Variants in AAK1 observed in about 807,000 individuals in gnomAD.
AAK1 encodes the protein AP2-associated protein kinase 1.
In AAK1, 37 loss-of-function variants were observed where a neutral mutation model predicts 116.0. The observed-to-expected ratio is 0.32, with a 90% CI of 0.25 to 0.42. The LOEUF (loss-of-function observed/expected upper bound fraction) is 0.42. AAK1 is among the 10% of genes least tolerant of loss of function. AAK1 has a pLI of 1.00. For missense variants in AAK1, 919 were observed against 1,170.6 expected (o/e 0.79, Z 3.14); for synonymous variants, 458 against 439.9 (o/e 1.04, Z -0.51).
chr2:69,478,587 G>T (rs978944995), intron 20 of AAK1: 1 of 231,294 alleles, frequency 4.3e-6, no homozygotes, highest in Admixed American at 5.8e-5. Flanking sequence ...CGAGAAGCTG[G>T]TACCACCGGT....
chr2:69,514,417 C>T, intron 13 of AAK1, 54 bp downstream of exon 13: 1 of 1,470,276 alleles, frequency 6.8e-7, no homozygotes, highest in Non-Finnish European at 9.0e-7. Flanking sequence ...TCCCCTAGCT[C>T]TCGCTGCACA....
intron 3 of AAK1, among the ~76,000 whole-genome samples, chr2:69,551,713 C>G (rs934391866): frequency 3.9e-5 from 6 of 152,186 alleles, no homozygotes; most frequent in Non-Finnish European, 8.8e-5. Context: ...TTAATCTTTT[C>G]CTGCTTTCAG....
chr2:69,519,660 T>C (rs1669675642), intron 11 of AAK1, among the ~76,000 whole-genome samples: 1 of 152,192 alleles, frequency 6.6e-6, no homozygotes, highest in Non-Finnish European at 1.5e-5. Flanking sequence ...TGGCTATAAG[T>C]AGATGGCCAC....
intron 2 of AAK1, among the ~76,000 whole-genome samples, chr2:69,633,942 G>A (rs1300581746): frequency 6.6e-6 from 1 of 152,196 alleles, no homozygotes; most frequent in Non-Finnish European, 1.5e-5. Context: ...GGCTGAGGCA[G>A]GTGGATCACT....
At chr2:69,532,298 C>A (rs1372251453) in intron 5 of AAK1, 136 bp from the exon 6 acceptor site, 2 of 1,057,826 alleles carry the variant, frequency 1.9e-6, no homozygotes, top group Non-Finnish European at 2.7e-6. Flanking sequence ...TATTCCTCTC[C>A]AAGTATCTCA....
In AAK1 at chr2:69,585,998, T is replaced by C. The variant is rs896877830; in HGVS notation, c.164-29020A>G. Among the ~76,000 whole-genome samples, 14 of 152,134 alleles carry C rather than the reference T, an allele frequency of 9.2e-5. No homozygotes were observed. The East Asian group carries it at 2.5e-3, about 27-fold the overall frequency. On this transcript the variant is annotated intron_variant, in intron 2 of 21. Transcript: ENST00000409085. ...CTTCCCTCTGGCACCACCCTCTGCC[T>C]GATTGGTGCGGAGTGCTCCCTGCCC... is the stretch of plus-strand genomic sequence containing the variant.
In AAK1 at chr2:69,643,722, G is replaced by T; in HGVS notation, c.-382C>A. The T allele has an allele frequency of 8.2e-7, 1 of 1,212,436 alleles. No individual in the cohort carries two copies. The highest frequency in any genetic ancestry group is 3.3e-5 in the East Asian group (1 of 29,916). The allele number at this position is 1,212,436 out of a possible 1,614,324, so 75.1% of individuals were successfully genotyped here. On this transcript the variant is annotated 5_prime_UTR_variant, in exon 1 of 22. Coordinates refer to ENST00000409085, the MANE Select transcript of AAK1 (RefSeq NM_014911.5). The stretch of plus-strand genomic sequence containing the variant: ...CCGCCCGCCCGCCAGCTGATCCCGG[G>T]AGCGCCGGGCGGAGACTGACCCGCC...
At chr2:69,506,343 T>C (rs1676184299) in intron 15 of AAK1, among the ~76,000 whole-genome samples, 1 of 152,202 alleles carries the variant, frequency 6.6e-6, no homozygotes, top group South Asian at 2.1e-4. Context: ...CCCTATCTTC[T>C]GTTTAAAAAA....
intron 2 of AAK1, among the ~76,000 whole-genome samples, chr2:69,602,273 C>T (rs538488652): frequency 6.6e-5 from 10 of 152,206 alleles, no homozygotes; most frequent in African/African-American, 1.4e-4. Flanking sequence ...ACAACGGGCA[C>T]GACTGGGACA....
intron 17 of AAK1, among the ~76,000 whole-genome samples, chr2:69,485,592 C>G (rs749511119): frequency 3.3e-5 from 5 of 152,054 alleles, no homozygotes; most frequent in Non-Finnish European, 7.4e-5. Flanking sequence ...CCTCAGATGC[C>G]CTGCCACATC....
At chr2:69,589,722 A>AG (rs1672948889) in intron 2 of AAK1, among the ~76,000 whole-genome samples, 1 of 151,264 alleles carries the variant, frequency 6.6e-6, no homozygotes, top group Non-Finnish European at 1.5e-5. Flanking sequence ...AAAAAAAAAA[A>AG]AAAAAAAGAA....
At chr2:69,536,262 A>C (rs781076668) in intron 5 of AAK1, among the ~76,000 whole-genome samples, 22 of 152,334 alleles carry the variant, frequency 1.4e-4, no homozygotes, top group Non-Finnish European at 2.6e-4. Context: ...CAGACTGAGG[A>C]AGGGCACTTG....
intron 2 of AAK1, among the ~76,000 whole-genome samples, chr2:69,632,626 C>T (rs944991792): frequency 4.6e-5 from 7 of 152,222 alleles, no homozygotes; most frequent in South Asian, 2.1e-4. Flanking sequence ...GCGCCAGGCG[C>T]GATGGCTCAC....
chr2:69,559,270 A>C (rs1250507141), intron 2 of AAK1, among the ~76,000 whole-genome samples: 1 of 120,442 alleles, frequency 8.3e-6, no homozygotes, highest in South Asian at 2.7e-4. Context: ...TCTCACACAC[A>C]CACACACACA....
chr2:69,642,993 C>G lies in AAK1; in HGVS notation c.48G>C (p.Leu16=). The part of the protein sequence containing the change: ...DSRREQGGSG[L]GSGSSGGGGS... ...CCCCTCCTCCGCTGGAGCCGGAGCC[C>G]AGGCCAGAGCCGCCCTGCTCTCGCC... The change falls in exon 2 of 22, where the codon CTG becomes CTC. Residue 16 remains leucine, a synonymous_variant. Transcript: ENST00000409085. The G allele has an allele frequency of 6.2e-7, 1 of 1,612,016 alleles. No individual in the cohort carries two copies. The highest frequency in any genetic ancestry group is 8.5e-7 in the Non-Finnish European group (1 of 1,179,112).
chr2:69,626,504 TA>T (rs1178080588), intron 2 of AAK1, among the ~76,000 whole-genome samples: 132 of 140,424 alleles, frequency 9.4e-4, no homozygotes, highest in African/African-American at 3.7e-3. Flanking sequence ...TTATTATTAT[TA>T]TTATTTTTTT....
chr2:69,578,777 T>A (rs985271128), intron 2 of AAK1, among the ~76,000 whole-genome samples: 3 of 150,610 alleles, frequency 2.0e-5, no homozygotes, highest in Non-Finnish European at 4.4e-5. Flanking sequence ...TCTCTGATCA[T>A]AAAAAGAAAC....
At chr2:69,579,026 G>A (rs1037243507) in intron 2 of AAK1, among the ~76,000 whole-genome samples, 7 of 151,858 alleles carry the variant, frequency 4.6e-5, no homozygotes, top group Non-Finnish European at 8.8e-5. Flanking sequence ...GGATGGTCTC[G>A]ATCTCCTGAC....
In AAK1 at chr2:69,623,551, G is replaced by A. The variant is rs368773921; in HGVS notation, c.163+19327C>T. 6.6e-5 allele frequency among the ~76,000 whole-genome samples: 10 copies of A among 152,188 alleles called. No individual in the cohort carries two copies. In the East Asian group the frequency reaches 9.6e-4, roughly 15 times the overall value. Reference sequence around the variant, plus strand: ...TCTGAATGGAGGGCTGGGTGCTGTGGCTCATGACTGTAAGCACTTTGGGAG... The same window carrying A: ...TCTGAATGGAGGGCTGGGTGCTGTGACTCATGACTGTAAGCACTTTGGGAG... On this transcript the variant is annotated intron_variant, in intron 2 of 21. Transcript: ENST00000409085.
Sources: allele counts gnomAD v4.1 joint callset (sites outside exome capture counted in the v4.1 genomes callset), GRCh38; gene constraint gnomAD v4.1.1; transcripts MANE v1.5; gene names NCBI Gene and HGNC (gene_info 2026-07-23, HGNC 2026-07-21).